SLC2A9: variants seen among roughly 807,000 people sequenced by gnomAD.
SLC2A9 encodes solute carrier family 2, facilitated glucose transporter member 9.
In SLC2A9, 39 loss-of-function variants were observed where a neutral mutation model predicts 50.6. That is an observed-to-expected ratio of 0.77 (90% CI 0.60 to 1.01). The LOEUF (loss-of-function observed/expected upper bound fraction) is 1.01. Among genes scored for constraint, SLC2A9 ranks in the 50% least tolerant of loss-of-function variants. SLC2A9 has a pLI of 0.00. For missense variants in SLC2A9, 686 were observed against 677.6 expected (o/e 1.01, Z -0.14); for synonymous variants, 324 against 276.9 (o/e 1.17, Z -1.69).
At chr4:9,904,212 T>C (rs1172309682) in intron 8 of SLC2A9, among the ~76,000 whole-genome samples, 1 of 152,174 alleles carries the variant, frequency 6.6e-6, no homozygotes. Context: ...GATTATCTTA[T>C]AGTTTTGGAA....
At chr4:9,780,300 C>T (rs1718157363) in intron 3 of SLC2A9, among the ~76,000 whole-genome samples, 1 of 152,174 alleles carries the variant, frequency 6.6e-6, no homozygotes, top group Non-Finnish European at 1.5e-5. Context: ...CAATTCTGGA[C>T]AGGGATGTCC....
intron 10 of SLC2A9, among the ~76,000 whole-genome samples, chr4:9,858,751 A>C (rs529838127): frequency 6.6e-6 from 1 of 152,290 alleles, no homozygotes; most frequent in African/African-American, 2.4e-5. Context: ...GAAGGATGCA[A>C]AGTATTGTTC....
At chr4:9,978,798 T>C (rs1755234909) in intron 5 of SLC2A9, among the ~76,000 whole-genome samples, 1 of 152,258 alleles carries the variant, frequency 6.6e-6, no homozygotes, top group Non-Finnish European at 1.5e-5. Flanking sequence ...CAGATGCCTC[T>C]GAGGTGACCT....
At chr4:9,922,532 GTA>G (rs1159107903) in intron 6 of SLC2A9, among the ~76,000 whole-genome samples, 2 of 152,054 alleles carry the variant, frequency 1.3e-5, no homozygotes, top group Non-Finnish European at 1.5e-5. Context: ...CCTTCCTATT[GTA>G]TATATGTTCA....
intron 10 of SLC2A9, among the ~76,000 whole-genome samples, chr4:9,881,037 C>T (rs1577674988): frequency 6.6e-6 from 1 of 152,220 alleles, no homozygotes; most frequent in East Asian, 1.9e-4. Flanking sequence ...TCTCCTGACT[C>T]CTCCTCTGTG....
At chr4:9,972,336 C>T (rs540961633) in intron 5 of SLC2A9, among the ~76,000 whole-genome samples, 1 of 152,140 alleles carries the variant, frequency 6.6e-6, no homozygotes, top group East Asian at 1.9e-4. Flanking sequence ...AAGTCTATTT[C>T]TTCTTTATCT....
chr4:9,969,708 G>A (rs971518385), intron 5 of SLC2A9, among the ~76,000 whole-genome samples: 10 of 152,300 alleles, frequency 6.6e-5, no homozygotes, highest in East Asian at 1.9e-4. Flanking sequence ...CTTACATGGC[G>A]GCAGGCAAGA....
At chr4:9,851,823 C>G (rs983323923) in intron 10 of SLC2A9, among the ~76,000 whole-genome samples, 1 of 152,112 alleles carries the variant, frequency 6.6e-6, no homozygotes, top group Non-Finnish European at 1.5e-5. Flanking sequence ...GAAAAAATCT[C>G]AGAGCTTGAA....
intron 5 of SLC2A9, among the ~76,000 whole-genome samples, chr4:9,945,772 C>A (rs201884586): frequency 6.6e-6 from 1 of 152,144 alleles, no homozygotes; most frequent in East Asian, 1.9e-4. Context: ...GGTCCCAACA[C>A]AGAGCTGAGG....
intron 4 of SLC2A9, 112 bp from the exon 5 acceptor site, chr4:9,980,849 T>C (rs187872331): frequency 6.5e-6 from 9 of 1,388,054 alleles, no homozygotes; most frequent in Non-Finnish European, 5.1e-6. Context: ...AATAGCACTG[T>C]AGCCACGGCA....
chr4:10,016,406 T>G (rs773755674), intron 2 of SLC2A9, among the ~76,000 whole-genome samples: 1 of 152,188 alleles, frequency 6.6e-6, no homozygotes, highest in African/African-American at 2.4e-5. Context: ...AGGGCTGTCA[T>G]GAGGGTGCAC....
intron 6 of SLC2A9, among the ~76,000 whole-genome samples, chr4:9,938,372 C>T (rs1472659975): frequency 1.3e-5 from 2 of 150,500 alleles, no homozygotes; most frequent in Non-Finnish European, 3.0e-5. Flanking sequence ...CCCAGGTTCA[C>T]GCCATTCTCT....
chr4:9,810,851 T>C (rs908611349), intron 3 of SLC2A9, among the ~76,000 whole-genome samples: 4 of 152,226 alleles, frequency 2.6e-5, no homozygotes, highest in African/African-American at 9.6e-5. Flanking sequence ...CAGTGGGCAA[T>C]GCCCTTTGAC....
At chr4:10,002,452 C>T (rs1760012559) in intron 2 of SLC2A9, among the ~76,000 whole-genome samples, 1 of 152,168 alleles carries the variant, frequency 6.6e-6, no homozygotes, top group African/African-American at 2.4e-5. Flanking sequence ...GGTGGAGCTG[C>T]CAAACTTCAG....
At chr4:9,946,719 G>A (rs1749236682) in intron 5 of SLC2A9, among the ~76,000 whole-genome samples, 3 of 152,252 alleles carry the variant, frequency 2.0e-5, no homozygotes, top group Middle Eastern at 3.4e-3. Context: ...TGTTACAAAT[G>A]TAACCTTGTG....
At chr4:9,887,868 G>A (rs200180059) in intron 9 of SLC2A9, among the ~76,000 whole-genome samples, 104 of 152,286 alleles carry the variant, frequency 6.8e-4, no homozygotes, top group East Asian at 6.4e-3. Flanking sequence ...CCTGTGATGA[G>A]TTTGACATAG....
At chr4:10,030,552 G>C (rs1299789771) in intron 1 of SLC2A9, among the ~76,000 whole-genome samples, 2 of 152,026 alleles carry the variant, frequency 1.3e-5, no homozygotes, top group Non-Finnish European at 2.9e-5. Flanking sequence ...TCAGGGTGGG[G>C]GTGATAGGCC....
chr4:9,919,861 A>G (rs1161730373), intron 7 of SLC2A9, among the ~76,000 whole-genome samples: 1 of 152,158 alleles, frequency 6.6e-6, no homozygotes, highest in Non-Finnish European at 1.5e-5. Flanking sequence ...CTCAAGGGAG[A>G]GGAGACTGCT....
intron 10 of SLC2A9, among the ~76,000 whole-genome samples, chr4:9,843,091 G>GTGT (rs1418051506): frequency 1.3e-5 from 2 of 152,140 alleles, no homozygotes; most frequent in East Asian, 3.9e-4. Flanking sequence ...CACTCATTGA[G>GTGT]TGTTATACTT....
Sources: allele counts gnomAD v4.1 joint callset (sites outside exome capture counted in the v4.1 genomes callset), GRCh38; gene constraint gnomAD v4.1.1; transcripts MANE v1.5; gene names NCBI Gene and HGNC (gene_info 2026-07-23, HGNC 2026-07-21).